The following C16orf95 variants were observed in gnomAD, a reference collection of about 807,000 sequenced individuals.
C16orf95 encodes chromosome 16 open reading frame 95, also known as uncharacterized protein C16orf95.
In C16orf95, 41 loss-of-function variants were observed where a neutral mutation model predicts 32.1. The observed-to-expected ratio is 1.28, with a 90% CI of 1.00 to 1.66. The LOEUF is 1.66. Ranked by LOEUF, C16orf95 falls within the 40% of genes most tolerant of loss-of-function variation. The pLI, the probability that C16orf95 is intolerant of heterozygous loss-of-function variation, is 0.00. For synonymous variants in C16orf95, 147 were observed against 128.9 expected, an observed-to-expected ratio of 1.14 and a Z score of -0.95; for missense variants, 399 against 325.9, an observed-to-expected ratio of 1.22 and a Z score of -1.73.
Position 87,305,927 on chromosome 16 carries a change from T to G in C16orf95, c.515-22A>C. Reference sequence around the variant, plus strand: ...GGTGCTAGGCAAAGAAAAGGTGGGTTGAGGACAGGGCGTGTTCTCCGGGAC... The same window carrying G: ...GGTGCTAGGCAAAGAAAAGGTGGGTGGAGGACAGGGCGTGTTCTCCGGGAC... On this transcript the variant is annotated intron_variant, in intron 5 of 6. Transcript: ENST00000567970. This position sits in a 1 kb window ranked among gnomAD's most constrained non-coding sequence, Gnocchi z 4.2. 7.1e-7 allele frequency: 1 copy of G among 1,404,728 alleles called. No individual in the cohort carries two copies. The highest frequency in any genetic ancestry group is 9.2e-7 in the Non-Finnish European group (1 of 1,083,690). 87.0% of individuals were successfully genotyped at this position (1,404,728 alleles called of 1,614,324 possible).
At chr16:87,309,057 A>G (rs1190925002) in intron 5 of C16orf95, among the ~76,000 whole-genome samples, 1 of 152,172 alleles carries the variant, frequency 6.6e-6, no homozygotes, top group Non-Finnish European at 1.5e-5. Context: ...TGAGTCACCC[A>G]TCTGGAAACT....
chr16:87,306,356 A>T (rs1911029851), intron 5 of C16orf95, among the ~76,000 whole-genome samples: 1 of 152,168 alleles, frequency 6.6e-6, no homozygotes, highest in South Asian at 2.1e-4. Context: ...ACAAGCACGG[A>T]TGGAATTCCA....
chr16:87,305,188 A>G lies in C16orf95; in HGVS notation c.701+531T>C, dbSNP rs183879833. Among the ~76,000 whole-genome samples the G allele has an allele frequency of 2.7e-4, 41 of 152,288 alleles. No homozygotes were observed. In the East Asian group the frequency reaches 6.8e-3, roughly 25 times the overall value. ...GGGGGAGGTATCCCAGCAGAAAGCCATGGCTGTGGGCAGCAAGGGTGCCAG... is the reference window on the plus strand; with the variant it reads ...GGGGGAGGTATCCCAGCAGAAAGCCGTGGCTGTGGGCAGCAAGGGTGCCAG... On this transcript the variant is annotated intron_variant, in intron 6 of 6. Coordinates refer to ENST00000567970, the MANE Select transcript of C16orf95 (RefSeq NM_001195124.3). This position sits in a 1 kb window ranked among gnomAD's most constrained non-coding sequence, Gnocchi z 4.2.
chr16:87,315,792 CTTCT>C lies in C16orf95; in HGVS notation c.180_183del (p.Glu61CysfsTer44), dbSNP rs1290435145. The stretch of plus-strand genomic sequence containing the variant: ...CTTACCGAATGACGGGGGAGGCACA[CTTCT>C]TTCTTGTAGGTTTGAAATGTGCTAT... On this transcript the variant is annotated frameshift_variant, in exon 2 of 7. Transcript: ENST00000567970. LOFTEE classifies it high-confidence loss of function. The C allele has an allele frequency of 2.0e-6, 3 of 1,531,036 alleles. No individual in the cohort carries two copies. Among genetic ancestry groups the C allele is most frequent in the Non-Finnish European group, 2.6e-6 (3 of 1,144,398 alleles). 94.8% of individuals were successfully genotyped at this position (1,531,036 alleles called of 1,614,324 possible).
rs1206044287 is a variant in C16orf95 at position 87,314,880 on chromosome 16, T to C, written c.330+91A>G. ...TCTCCCTGAAATGTTAAAATATCCA[T>C]TCATATAATACTTCTAATTCTGAGG... is the stretch of plus-strand genomic sequence containing the variant. On this transcript the variant is annotated intron_variant, in intron 3 of 6. Coordinates refer to ENST00000567970, the MANE Select transcript of C16orf95 (RefSeq NM_001195124.3). The C allele has an allele frequency of 2.8e-6, 3 of 1,082,016 alleles. No homozygotes were observed. In the African/African-American group the frequency reaches 4.8e-5, roughly 17 times the overall value. 67.0% of individuals were successfully genotyped at this position (1,082,016 alleles called of 1,614,324 possible). A position where few individuals can be genotyped will look rare whatever the true frequency, so the allele number is the denominator to read the frequency against.
chr16:87,309,565 G>C (rs557549163), intron 5 of C16orf95, among the ~76,000 whole-genome samples: 8 of 151,448 alleles, frequency 5.3e-5, no homozygotes, highest in African/African-American at 1.9e-4. Flanking sequence ...TTGTATTTTA[G>C]TAGAGACAAG....
At chr16:87,313,992 T>TTAAGA (rs1330413269) in intron 3 of C16orf95, among the ~76,000 whole-genome samples, 1 of 152,126 alleles carries the variant, frequency 6.6e-6, no homozygotes, top group African/African-American at 2.4e-5. Context: ...CAGATACCCA[T>TTAAGA]TAAGATGGCT....
chr16:87,312,568 C>CAAAAAAAAAA (rs71389850), intron 3 of C16orf95, among the ~76,000 whole-genome samples: 3 of 86,028 alleles, frequency 3.5e-5, no homozygotes, highest in Non-Finnish European at 4.3e-5. Context: ...GACTCCATCT[C>CAAAAAAAAAA]AAAAAAAAAA....
chr16:87,310,380 A>T, intron 4 of C16orf95, 47 bp from the exon 5 acceptor site: 1 of 1,530,066 alleles, frequency 6.5e-7, no homozygotes, highest in Non-Finnish European at 8.8e-7. Flanking sequence ...CGACCCTCCA[A>T]GGGGGAAGGC....
chr16:87,311,046 A>T, intron 4 of C16orf95, 104 bp downstream of exon 4: 1 of 1,141,016 alleles, frequency 8.8e-7, no homozygotes, highest in Non-Finnish European at 1.2e-6. Flanking sequence ...CCTTTGTGGG[A>T]GCAGAGCCCA....
chr16:87,303,171 G>A, intron 6 of C16orf95, 96 bp from the exon 7 acceptor site: 8 of 1,239,532 alleles, frequency 6.5e-6, no homozygotes, highest in Non-Finnish European at 9.1e-6. Flanking sequence ...TGAGCGGAAG[G>A]CAGAGGCGCT....
chr16:87,314,862 G>T, intron 3 of C16orf95, 109 bp downstream of exon 3: 1 of 971,188 alleles, frequency 1.0e-6, no homozygotes, highest in South Asian at 1.8e-5. Context: ...CTGTCTCCCT[G>T]AAATGTTAAA....
At chr16:87,304,983 C>A (rs1189052798) in intron 6 of C16orf95, among the ~76,000 whole-genome samples, 2 of 152,360 alleles carry the variant, frequency 1.3e-5, no homozygotes, top group South Asian at 4.1e-4. Flanking sequence ...GTCTCCTCAT[C>A]CATGCAGTGT....
Position 87,317,342 on chromosome 16 carries a change from C to A in C16orf95, c.-100G>T. ...CCCTCCTGCCCCAGGAGGAACCCAA[C>A]CCGAGCTCAACCCCAGCCCCAACCT... On this transcript the variant is annotated 5_prime_UTR_variant, in exon 1 of 7. Transcript: ENST00000567970. 1 of 1,429,276 alleles carries A rather than the reference C, an allele frequency of 7.0e-7. No homozygotes were observed. The allele number at this position is 1,429,276 out of a possible 1,614,324, so 88.5% of individuals were successfully genotyped here.
Position 87,305,718 on chromosome 16 carries a change from C to G in C16orf95, c.701+1G>C. 1 of 1,500,264 alleles carries G rather than the reference C, an allele frequency of 6.7e-7. No homozygotes were observed. The highest frequency in any genetic ancestry group is 2.7e-5 in the East Asian group (1 of 37,066). The allele number at this position is 1,500,264 out of a possible 1,614,324, so 92.9% of individuals were successfully genotyped here. ...CTGTCCCCCATCCCCCACCTGCTCA[C>G]CGAATGGCCATGATGACCCTCGGGA... On this transcript the variant is annotated splice_donor_variant, in intron 6 of 6. Transcript: ENST00000567970. LOFTEE classifies it high-confidence loss of function. The surrounding 1 kb of genome is among the most constrained non-coding windows in gnomAD (Gnocchi z 4.2).
At chr16:87,314,571 CTCATTA>C (rs1229329089) in intron 3 of C16orf95, among the ~76,000 whole-genome samples, 1 of 152,150 alleles carries the variant, frequency 6.6e-6, no homozygotes, top group Non-Finnish European at 1.5e-5. Context: ...TGTGTATATG[CTCATTA>C]TCTTGATGGT....
intron 3 of C16orf95, among the ~76,000 whole-genome samples, 192 bp downstream of exon 3, chr16:87,314,779 C>A (rs1904305226): frequency 1.3e-5 from 2 of 152,150 alleles, no homozygotes; most frequent in Non-Finnish European, 2.9e-5. Context: ...TGAGGTGTGC[C>A]TCCCTCAGAC....
intron 5 of C16orf95, among the ~76,000 whole-genome samples, chr16:87,308,034 C>T (rs1418738230): frequency 6.6e-6 from 1 of 152,060 alleles, no homozygotes; most frequent in African/African-American, 2.4e-5. Context: ...AAGGTGGATG[C>T]CTAATAATTT....
chr16:87,304,527 G>A (rs951086891), intron 6 of C16orf95, among the ~76,000 whole-genome samples: 1 of 152,142 alleles, frequency 6.6e-6, no homozygotes, highest in South Asian at 2.1e-4. Flanking sequence ...CAAGAAAAAC[G>A]ACAAAGAAGG....
Sources: gnomAD v4.1 joint callset for allele counts (sites outside exome capture counted in the v4.1 genomes callset) on GRCh38, gnomAD v4.1.1 for gene constraint, Gnocchi (gnomAD v3.1) non-coding constraint, MANE v1.5 for transcripts, NCBI Gene and HGNC (gene_info 2026-07-23, HGNC 2026-07-21) for gene names.